IGF2R: variants seen among roughly 807,000 people sequenced by gnomAD.
IGF2R encodes insulin like growth factor 2 receptor, also known as cation-independent mannose-6-phosphate receptor.
Under a neutral mutation model 270.6 loss-of-function variants are expected in IGF2R, and 91 were observed. The observed-to-expected ratio is 0.34, with a 90% CI of 0.28 to 0.40. IGF2R has a LOEUF of 0.40. IGF2R is among the 10% of genes least tolerant of loss of function. The probability of loss-of-function intolerance (pLI) is 1.00; values close to 1 mark genes in which losing one functional copy is unlikely to be tolerated. For missense variants in IGF2R, 2,805 were observed against 3,188.3 expected (o/e 0.88, Z 2.90); for synonymous variants, 1,316 against 1,258.9 (o/e 1.05, Z -0.96).
intron 11 of IGF2R, 134 bp from the exon 12 acceptor site, chr6:160,043,014 A>C: frequency 3.5e-6 from 3 of 856,726 alleles, no homozygotes; most frequent in Non-Finnish European, 3.6e-6. Context: ...GGTTCCAGAA[A>C]CAGCGCTGGG....
At chr6:160,054,463 C>G (rs1423813346) in intron 19 of IGF2R, among the ~76,000 whole-genome samples, 1 of 152,086 alleles carries the variant, frequency 6.6e-6, no homozygotes, top group Admixed American at 6.5e-5. Context: ...GAATGCTGGT[C>G]GATTGTTGTG....
intron 2 of IGF2R, among the ~76,000 whole-genome samples, chr6:160,002,566 T>C (rs996449386): frequency 4.1e-4 from 62 of 152,204 alleles, no homozygotes; most frequent in African/African-American, 1.4e-3. Context: ...TGAAAGAAAA[T>C]CTGTGTATAA....
At chr6:159,993,985 A>ATTTTTTTTTT (rs59369382) in intron 2 of IGF2R, among the ~76,000 whole-genome samples, 5 of 61,042 alleles carry the variant, frequency 8.2e-5, no homozygotes, top group East Asian at 8.3e-4. Flanking sequence ...CTCCAACTTG[A>ATTTTTTTTTT]TTTTTTTTTT....
chr6:159,985,624 G>T (rs1466147804), intron 1 of IGF2R, among the ~76,000 whole-genome samples: 1 of 152,218 alleles, frequency 6.6e-6, no homozygotes, highest in Non-Finnish European at 1.5e-5. Flanking sequence ...CAGAGTGACG[G>T]TGTCATTGGG....
At chr6:160,010,257 G>A (rs1003365916) in intron 3 of IGF2R, 5 of 157,204 alleles carry the variant, frequency 3.2e-5, no homozygotes, top group East Asian at 1.8e-4. Flanking sequence ...GAGGGTTGGC[G>A]TCTGGTGGGT....
At position 160,050,488 on chromosome 6, in the gene IGF2R, G is replaced by A. The variant is rs762770473; in HGVS notation, c.2530G>A (p.Val844Met). 1 of 1,612,368 alleles carries A rather than the reference G, an allele frequency of 6.2e-7. No individual in the cohort carries two copies. Among genetic ancestry groups the A allele is most frequent in the South Asian group, 1.1e-5 (1 of 91,022 alleles). Residue 844 changes from valine (V) to methionine (M), a missense_variant, in exon 19 of 48, where the codon GTG becomes ATG. By Grantham distance (21) the Val-to-Met change is conservative (BLOSUM62 1). Around this residue, in one of 2 missense-constraint regions of IGF2R, gnomAD observed 1,851 missense variants for 2,207.2 expected, o/e 0.84. Coordinates refer to ENST00000356956, the MANE Select transcript of IGF2R (RefSeq NM_000876.4). This position sits in a 1 kb window ranked among gnomAD's most constrained non-coding sequence, Gnocchi z 4.0. ...TTTCTTGCAGGGCTCCTTCACTGAA[G>A]TGGTTTCCATCAGTAACTTGGGAAT... is the stretch of plus-strand genomic sequence containing the variant. ...YEKDQGSFTE[V>M]VSISNLGMAK... is the part of the protein sequence containing the mutation.
intron 13 of IGF2R, among the ~76,000 whole-genome samples, chr6:160,044,929 TACTCGGCC>T (rs1312283284): frequency 3.3e-5 from 5 of 152,340 alleles, no homozygotes; most frequent in African/African-American, 4.8e-5. Context: ...TCGGGACTGA[TACTCGGCC>T]AGTCATGTGG....
chr6:160,048,482 A>G lies in IGF2R; in HGVS notation c.2453A>G (p.Asn818Ser). 1 of 1,614,226 alleles carries G rather than the reference A, an allele frequency of 6.2e-7. No individual in the cohort carries two copies. The highest frequency in any genetic ancestry group is 8.5e-7 in the Non-Finnish European group (1 of 1,180,026). Residue 818 changes from asparagine to serine, a missense_variant, in exon 18 of 48, where the codon AAT (asparagine) becomes AGT (serine). Asn to Ser is a conservative substitution (Grantham distance 46, BLOSUM62 1). Coordinates refer to ENST00000356956, the MANE Select transcript of IGF2R (RefSeq NM_000876.4). ...KYYINVCRPL[N>S]PVPGCNRYAS... Reference sequence around the variant, plus strand: ...TACATTAACGTGTGTCGGCCTCTGAATCCAGTGCCGGGCTGCAACCGATAT... The same window carrying G: ...TACATTAACGTGTGTCGGCCTCTGAGTCCAGTGCCGGGCTGCAACCGATAT...
chr6:159,986,735 G>C (rs936220408), intron 1 of IGF2R, among the ~76,000 whole-genome samples: 2 of 140,526 alleles, frequency 1.4e-5, no homozygotes, highest in Admixed American at 1.5e-4. Context: ...TGAATATATT[G>C]ATCTCTTTTT....
chr6:160,077,045 C>T (rs184111021), intron 36 of IGF2R, among the ~76,000 whole-genome samples: 38 of 152,252 alleles, frequency 2.5e-4, no homozygotes, highest in African/African-American at 7.7e-4. Context: ...AGAAAGTGAC[C>T]TGGCAGCCGC....
At chr6:160,089,665 C>T (rs1476916846) in intron 43 of IGF2R, among the ~76,000 whole-genome samples, 4 of 152,200 alleles carry the variant, frequency 2.6e-5, no homozygotes, top group African/African-American at 7.2e-5. Flanking sequence ...GTGCTGGATA[C>T]GGCACCTGAG....
rs754510420 is a variant in IGF2R at position 160,073,290 on chromosome 6, C to G, written c.4768C>G (p.Leu1590Val). ...RLRYVDQVLQ[L>V]VYKDGSPCPS... ...GAGATACGTGGACCAGGTCCTGCAG[C>G]TGGTGTACAAGGATGGGTCCCCTTG... is the stretch of plus-strand genomic sequence containing the variant. Residue 1590 changes from leucine (L) to valine (V), a missense_variant, in exon 34 of 48, where the codon CTG becomes GTG. Coordinates refer to ENST00000356956, the MANE Select transcript of IGF2R (RefSeq NM_000876.4). The G allele has an allele frequency of 1.2e-6, 2 of 1,614,148 alleles. No homozygotes were observed. Among genetic ancestry groups the G allele is most frequent in the African/African-American group, 2.7e-5 (2 of 74,946 alleles).
intron 6 of IGF2R, among the ~76,000 whole-genome samples, chr6:160,028,534 G>C (rs2115228079): frequency 6.6e-6 from 1 of 152,370 alleles, no homozygotes; most frequent in Admixed American, 6.5e-5. Context: ...GCAAGTGTGA[G>C]CTTCTCTTGT....
At chr6:160,063,225 G>A (rs1413685238) in intron 26 of IGF2R, among the ~76,000 whole-genome samples, 190 bp from the exon 27 acceptor site, 1 of 152,010 alleles carries the variant, frequency 6.6e-6, no homozygotes, top group Non-Finnish European at 1.5e-5. Context: ...TTTTAGTAGA[G>A]ACGGGGTTTC....
chr6:160,035,414 C>T (rs1777796338), intron 10 of IGF2R, among the ~76,000 whole-genome samples: 1 of 152,212 alleles, frequency 6.6e-6, no homozygotes, highest in African/African-American at 2.4e-5. Context: ...CTCTCGAAGC[C>T]TCCGGAGATC....
chr6:160,102,284 A>G lies in IGF2R; in HGVS notation c.6843-235A>G, dbSNP rs1779503958. Among the ~76,000 whole-genome samples the G allele has an allele frequency of 6.6e-6, 1 of 152,200 alleles. No homozygotes were observed. ...AATGATAGTTCATGGAGCTGGAAGC[A>G]GTGCCTTCTTGTCTGCTTTCTGACA... is the stretch of plus-strand genomic sequence containing the variant. On this transcript the variant is annotated intron_variant, in intron 45 of 47. Transcript: ENST00000356956. This position sits in a 1 kb window ranked among gnomAD's most constrained non-coding sequence, Gnocchi z 4.5.
In IGF2R at chr6:160,084,281, G is replaced by C; in HGVS notation, c.6068+97G>C. The C allele has an allele frequency of 1.4e-6, 1 of 722,536 alleles. No homozygotes were observed. Among genetic ancestry groups the C allele is most frequent in the Non-Finnish European group, 2.4e-6 (1 of 412,282 alleles). The allele number at this position is 722,536 out of a possible 1,614,324, so 44.8% of individuals were successfully genotyped here. ...TGGCTCTTTTGGGTTCTCAAGATGG[G>C]AATACTATGCCCATGTGAGGCTGAT... On this transcript the variant is annotated intron_variant, in intron 40 of 47. Transcript: ENST00000356956. This position sits in a 1 kb window ranked among gnomAD's most constrained non-coding sequence, Gnocchi z 4.6.
chr6:160,026,105 T>G (rs1777555839), intron 5 of IGF2R, among the ~76,000 whole-genome samples: 1 of 152,198 alleles, frequency 6.6e-6, no homozygotes, highest in African/African-American at 2.4e-5. Flanking sequence ...ATCATGTGCT[T>G]ACCTCCTTGC....
At chr6:160,031,809 C>G (rs1395534808) in intron 7 of IGF2R, among the ~76,000 whole-genome samples, 3 of 152,202 alleles carry the variant, frequency 2.0e-5, no homozygotes, top group Non-Finnish European at 4.4e-5. Flanking sequence ...TGCTGGGAAG[C>G]AGCACGGCTA....
Sources: allele counts gnomAD v4.1 joint callset (sites outside exome capture counted in the v4.1 genomes callset), GRCh38; gene constraint gnomAD v4.1.1; regional missense constraint gnomAD v4.1.1; non-coding constraint Gnocchi (gnomAD v3.1); transcripts MANE v1.5; gene names NCBI Gene and HGNC (gene_info 2026-07-23, HGNC 2026-07-21).